The following UTS2 variants were observed in gnomAD, a reference collection of about 807,000 sequenced individuals.
UTS2 encodes urotensin 2, also known as urotensin-2.
In UTS2, 10 loss-of-function variants were observed where a neutral mutation model predicts 12.6. The ratio of observed to expected loss-of-function variants is 0.80; its 90% CI spans 0.49 to 1.35. UTS2 has a LOEUF of 1.35. UTS2 is among the 40% of genes most tolerant of loss of function. UTS2 has a pLI of 0.00. For synonymous variants in UTS2, 52 were observed against 50.0 expected (o/e 1.04, Z -0.17); for missense variants, 142 against 143.2 (o/e 0.99, Z 0.04).
chr1:7,868,253 T>C, the UTS2 span, among the ~76,000 whole-genome samples: 1 of 152,214 alleles, frequency 6.6e-6, no homozygotes, highest in Non-Finnish European at 1.5e-5. Context: ...GTCGCTACGA[T>C]AATGCCGCTA....
the UTS2 span, among the ~76,000 whole-genome samples, chr1:7,863,629 T>C: frequency 6.6e-6 from 1 of 152,332 alleles, no homozygotes; most frequent in East Asian, 1.9e-4. Flanking sequence ...TGGCATTTAC[T>C]GAATGAATGA....
At chr1:7,895,808 A>G in the UTS2 span, among the ~76,000 whole-genome samples, 1 of 151,954 alleles carries the variant, frequency 6.6e-6, no homozygotes, top group Non-Finnish European at 1.5e-5. Flanking sequence ...ATAAAACTCT[A>G]TTTGAGTGAT....
chr1:7,889,959 C>A, the UTS2 span, among the ~76,000 whole-genome samples: 2 of 151,848 alleles, frequency 1.3e-5, no homozygotes, highest in African/African-American at 2.4e-5. Flanking sequence ...CCCAGCTACT[C>A]GGGAGGCTGA....
At chr1:7,894,788 C>T in the UTS2 span, among the ~76,000 whole-genome samples, 7 of 151,364 alleles carry the variant, frequency 4.6e-5, no homozygotes, top group African/African-American at 7.3e-5. Flanking sequence ...GAAACCAGCC[C>T]GGCAACATGG....
chr1:7,849,672 T>C lies in UTS2; in HGVS notation c.226A>G (p.Asn76Asp). ...AAATTTCCTCTTGGGTTAAAAATGT[T>C]GGTACTTGAGTCTGAAAAACAGTTT... is the stretch of plus-strand genomic sequence containing the variant. ...DILRKADSST[N>D]IFNPRGNLRK... is the part of the protein sequence containing the mutation. Residue 76 changes from asparagine to aspartate, a missense_variant, in exon 3 of 4, where the codon AAC becomes GAC. Transcript: ENST00000361696. 6.2e-7 allele frequency: 1 copy of C among 1,610,508 alleles called. No individual in the cohort carries two copies. Among genetic ancestry groups the C allele is most frequent in the East Asian group, 2.2e-5 (1 of 44,672 alleles).
chr1:7,866,043 G>A, the UTS2 span, among the ~76,000 whole-genome samples: 11 of 152,336 alleles, frequency 7.2e-5, no homozygotes, highest in Admixed American at 2.0e-4. This position sits in a 1 kb window ranked among gnomAD's most constrained non-coding sequence, Gnocchi z 4.5. Flanking sequence ...GAGAAGCTCC[G>A]CCCCTCCATG....
the UTS2 span, among the ~76,000 whole-genome samples, chr1:7,885,422 G>T: frequency 2.0e-5 from 3 of 152,252 alleles, 1 homozygote; most frequent in African/African-American, 7.2e-5. Flanking sequence ...GGGAGTATGG[G>T]ATACTTCCTC....
At chr1:7,849,534 G>T in intron 3 of UTS2, 106 bp downstream of exon 3, 1 of 1,024,094 alleles carries the variant, frequency 9.8e-7, no homozygotes, top group Non-Finnish European at 1.4e-6. Context: ...ATTTTAAGGT[G>T]TGGTTTCCAC....
At chr1:7,867,877 AAAAT>A in the UTS2 span, among the ~76,000 whole-genome samples, 3 of 152,148 alleles carry the variant, frequency 2.0e-5, no homozygotes, top group Non-Finnish European at 2.9e-5. Flanking sequence ...CTCAGTCTCA[AAAAT>A]AAATAAATAA....
At chr1:7,882,137 C>T in the UTS2 span, among the ~76,000 whole-genome samples, 1 of 151,624 alleles carries the variant, frequency 6.6e-6, no homozygotes, top group South Asian at 2.1e-4. Context: ...GAGATCAAGA[C>T]AAGCCTGGGC....
chr1:7,906,445 AAAAGAGAAAGAAAG>A, the UTS2 span, among the ~76,000 whole-genome samples: 1 of 104,184 alleles, frequency 9.6e-6, no homozygotes, highest in African/African-American at 3.5e-5. Context: ...GAAAGAAAGA[AAAAGAGAAAGAAAG>A]AAAGAAAGAA....
At chr1:7,873,102 T>C in the UTS2 span, among the ~76,000 whole-genome samples, 2 of 152,218 alleles carry the variant, frequency 1.3e-5, 1 homozygote, top group South Asian at 4.1e-4. Context: ...GTTTACTAAA[T>C]ATTTTAATAT....
the UTS2 span, among the ~76,000 whole-genome samples, chr1:7,884,984 C>G: frequency 1.3e-5 from 2 of 149,732 alleles, no homozygotes; most frequent in African/African-American, 5.0e-5. Flanking sequence ...ACGCATTCAT[C>G]CATCCATCCA....
At chr1:7,860,910 TG>T in the UTS2 span, among the ~76,000 whole-genome samples, 1,458 of 151,884 alleles carry the variant, frequency 9.6e-3, 27 homozygotes, top group African/African-American at 0.033. Context: ...GGCATGGTGG[TG>T]GACACCTGGA....
intron 1 of UTS2, among the ~76,000 whole-genome samples, chr1:7,851,193 G>A (rs1407466428): frequency 1.3e-5 from 2 of 152,202 alleles, no homozygotes; most frequent in Non-Finnish European, 2.9e-5. Flanking sequence ...AGAGCTGAGG[G>A]ATAAGCCACA....
At chr1:7,912,152 C>G in the UTS2 span, among the ~76,000 whole-genome samples, 1 of 152,078 alleles carries the variant, frequency 6.6e-6, no homozygotes, top group Non-Finnish European at 1.5e-5. Context: ...GGGAATTCTT[C>G]AAGATAGATC....
the UTS2 span, among the ~76,000 whole-genome samples, chr1:7,881,856 A>G: frequency 2.6e-4 from 40 of 152,334 alleles, 1 homozygote; most frequent in African/African-American, 8.7e-4. Context: ...AGTTAAAGGC[A>G]TCATATTACC....
Position 7,847,729 on chromosome 1 carries a change from G to T in UTS2, c.*37C>A, listed in dbSNP as rs777066994. 1.4e-6 allele frequency: 2 copies of T among 1,457,674 alleles called. No homozygotes were observed. Among genetic ancestry groups the T allele is most frequent in the Admixed American group, 1.8e-5 (1 of 54,952 alleles). The allele number at this position is 1,457,674 out of a possible 1,614,324, so 90.3% of individuals were successfully genotyped here. ...GTGTTATTTTTCATATTCTAAGATG[G>T]GTGTTTCTGAGCTGACTAACAGATG... On this transcript the variant is annotated 3_prime_UTR_variant, in exon 4 of 4. Coordinates refer to ENST00000361696, the MANE Select transcript of UTS2 (RefSeq NM_006786.4).
chr1:7,901,830 C>T, the UTS2 span, among the ~76,000 whole-genome samples: 1 of 151,976 alleles, frequency 6.6e-6, no homozygotes, highest in Admixed American at 6.6e-5. Context: ...TGTGAGGATC[C>T]ACACAGACTG....
Sources: gnomAD v4.1 joint callset for allele counts (sites outside exome capture counted in the v4.1 genomes callset) on GRCh38, gnomAD v4.1.1 for gene constraint, Gnocchi (gnomAD v3.1) non-coding constraint, MANE v1.5 for transcripts, NCBI Gene and HGNC (gene_info 2026-07-23, HGNC 2026-07-21) for gene names.